The following PROM1 variants were observed in gnomAD, a reference collection of about 807,000 sequenced individuals.
PROM1 encodes the protein prominin 1, also known as prominin-1.
PROM1 carries 105 observed loss-of-function variants against 116.9 expected under a neutral mutation model. The observed-to-expected ratio is 0.90, with a 90% confidence interval of 0.77 to 1.06. The LOEUF is 1.06. Among genes scored for constraint, PROM1 ranks in the 50% least tolerant of loss-of-function variants. PROM1 has a pLI of 0.00. For synonymous variants in PROM1, 393 were observed against 387.0 expected (o/e 1.02, Z -0.18); for missense variants, 1,122 against 1,045.2 (o/e 1.07, Z -1.01).
intron 2 of PROM1, chr4:16,055,239 T>A (rs145381359): frequency 2.7e-4 from 97 of 353,720 alleles, no homozygotes; most frequent in Admixed American, 3.6e-4. Flanking sequence ...CACAGTACCA[T>A]TCTTGATAAA....
chr4:15,991,100 G>A (rs1720870665), intron 18 of PROM1, 122 bp downstream of exon 18: 1 of 729,084 alleles, frequency 1.4e-6, no homozygotes, highest in African/African-American at 1.8e-5. Flanking sequence ...ACACAAGAGA[G>A]GTGTTTATGA....
At chr4:16,057,420 T>C (rs80287985) in intron 2 of PROM1, among the ~76,000 whole-genome samples, 2,936 of 152,326 alleles carry the variant, frequency 0.019, 100 homozygotes, top group African/African-American at 0.067. Flanking sequence ...TTTCAAATCA[T>C]AATTCGGGAA....
In PROM1 at chr4:16,024,285, T is replaced by C. The variant is rs761447007; in HGVS notation, c.694+10A>G. On this transcript the variant is annotated intron_variant, in intron 7 of 27. Coordinates refer to ENST00000447510, the MANE Select transcript of PROM1 (RefSeq NM_006017.3). The stretch of plus-strand genomic sequence containing the variant: ...AAAAAAAATGTGAAGCAACTTTAAA[T>C]TTTACTCACTGTTCAGATCTGTGAA... The C allele has an allele frequency of 6.2e-7, 1 of 1,610,108 alleles. No homozygotes were observed. Among genetic ancestry groups the C allele is most frequent in the South Asian group, 1.1e-5 (1 of 90,704 alleles).
intron 2 of PROM1, among the ~76,000 whole-genome samples, chr4:16,060,867 A>T (rs910514471): frequency 5.3e-5 from 8 of 152,222 alleles, no homozygotes; most frequent in African/African-American, 1.4e-4. Context: ...CGAAAGCAAC[A>T]TATATAATTG....
chr4:16,009,401 T>C (rs555037510), intron 11 of PROM1, among the ~76,000 whole-genome samples: 4 of 152,248 alleles, frequency 2.6e-5, no homozygotes, highest in Non-Finnish European at 5.9e-5. Flanking sequence ...TTAAAATGCA[T>C]GGTGTGCAGA....
chr4:15,970,895 G>A, intron 27 of PROM1, 148 bp downstream of exon 27: 1 of 607,018 alleles, frequency 1.6e-6, no homozygotes, highest in Non-Finnish European at 2.9e-6. Flanking sequence ...ACAGAGGGTG[G>A]ACTGGACATA....
intron 1 of PROM1, among the ~76,000 whole-genome samples, chr4:16,077,098 G>A (rs1430471697): frequency 6.6e-6 from 1 of 152,228 alleles, no homozygotes; most frequent in African/African-American, 2.4e-5. Flanking sequence ...GGTCTGTGCT[G>A]AGGAGCATTA....
chr4:16,066,600 GAA>G (rs1426386222), intron 2 of PROM1, among the ~76,000 whole-genome samples: 2 of 152,094 alleles, frequency 1.3e-5, no homozygotes, highest in Non-Finnish European at 2.9e-5. Flanking sequence ...ATCTCTCCTG[GAA>G]AAGTCATCCT....
intron 2 of PROM1, among the ~76,000 whole-genome samples, chr4:16,061,113 G>A (rs1740214933): frequency 6.6e-6 from 1 of 152,162 alleles, no homozygotes; most frequent in South Asian, 2.1e-4. Context: ...GTAACAAGCA[G>A]TTATCTTGGA....
Position 16,057,316 on chromosome 4 carries a change from C to A in PROM1, c.221-18315G>T, listed in dbSNP as rs147496081. 2.4e-3 allele frequency among the ~76,000 whole-genome samples: 364 copies of A among 152,360 alleles called. 2 individuals carry two copies. Among genetic ancestry groups the A allele is most frequent in the African/African-American group, 8.2e-3 (341 of 41,596 alleles). On this transcript the variant is annotated intron_variant, in intron 2 of 27. Coordinates refer to ENST00000447510, the MANE Select transcript of PROM1 (RefSeq NM_006017.3). ...AGGATATAAAAACGTATACAACCTC[C>A]TCTTTCCCAGGATGCAGTCAGGTTC...
intron 2 of PROM1, among the ~76,000 whole-genome samples, chr4:16,040,479 G>A (rs1331539878): frequency 6.6e-6 from 1 of 152,194 alleles, no homozygotes; most frequent in Non-Finnish European, 1.5e-5. Context: ...AAATTTCACT[G>A]AATGAAAGAG....
At chr4:16,004,076 T>A (rs3796849) in intron 13 of PROM1, among the ~76,000 whole-genome samples, 1 of 152,202 alleles carries the variant, frequency 6.6e-6, no homozygotes, top group South Asian at 2.1e-4. Flanking sequence ...TTAGTCTGAT[T>A]AGACTGATGA....
At position 16,002,338 on chromosome 4, in the gene PROM1, T is replaced by A. The variant is rs553003629; in HGVS notation, c.1455-1719A>T. Among the ~76,000 whole-genome samples, 4 of 152,312 alleles carry A rather than the reference T, an allele frequency of 2.6e-5. No individual in the cohort carries two copies. In the South Asian group the frequency reaches 8.3e-4, roughly 32 times the overall value. On this transcript the variant is annotated intron_variant, in intron 13 of 27. Transcript: ENST00000447510. Reference sequence around the variant, plus strand: ...AGGGATACCCAATGTACCCGGTGCGTAGCTTTTCTCTAGCAGTGCTTAGCT... The same window carrying A: ...AGGGATACCCAATGTACCCGGTGCGAAGCTTTTCTCTAGCAGTGCTTAGCT...
chr4:16,064,872 G>C (rs1741161039), intron 2 of PROM1, among the ~76,000 whole-genome samples: 2 of 152,128 alleles, frequency 1.3e-5, no homozygotes, highest in African/African-American at 2.4e-5. Flanking sequence ...CAGCCTGGGT[G>C]ACAAGAGAGA....
At chr4:16,004,952 TC>T (rs1408818958) in intron 13 of PROM1, among the ~76,000 whole-genome samples, 1 of 116,254 alleles carries the variant, frequency 8.6e-6, no homozygotes, top group Non-Finnish European at 1.7e-5. Flanking sequence ...TTTCTTTATT[TC>T]TCGCTCTCTC....
chr4:16,075,206 T>C (rs1273038936), intron 2 of PROM1, among the ~76,000 whole-genome samples: 1 of 152,188 alleles, frequency 6.6e-6, no homozygotes, highest in Non-Finnish European at 1.5e-5. Flanking sequence ...AAACAGCTGA[T>C]CAAGTAAACA....
intron 15 of PROM1, 21 bp downstream of exon 15, chr4:15,998,364 G>A: frequency 7.0e-6 from 11 of 1,565,234 alleles, no homozygotes; most frequent in East Asian, 4.6e-5. Context: ...ATAGCGAAAT[G>A]TATAATGCAA....
At chr4:16,074,640 A>G (rs1743553560) in intron 2 of PROM1, among the ~76,000 whole-genome samples, 1 of 152,240 alleles carries the variant, frequency 6.6e-6, no homozygotes, top group African/African-American at 2.4e-5. Flanking sequence ...ATTAGCAAAA[A>G]TTGACAACTA....
chr4:15,987,731 A>G lies in PROM1; in HGVS notation c.2077-15T>C, dbSNP rs1187252771. ...TATAGAGTGCTCTGGCAAGAAACAG[A>G]TAATATTTCCAAAATTATTACATGA... is the stretch of plus-strand genomic sequence containing the variant. On this transcript the variant is annotated splice_polypyrimidine_tract_variant and intron_variant, in intron 19 of 27. Transcript: ENST00000447510. The G allele has an allele frequency of 1.2e-6, 2 of 1,603,534 alleles. No homozygotes were observed. Among genetic ancestry groups the G allele is most frequent in the East Asian group, 2.2e-5 (1 of 44,770 alleles).
Sources: allele counts gnomAD v4.1 joint callset (sites outside exome capture counted in the v4.1 genomes callset), GRCh38; gene constraint gnomAD v4.1.1; transcripts MANE v1.5; gene names NCBI Gene and HGNC (gene_info 2026-07-23, HGNC 2026-07-21).